SDK2: variants seen among roughly 807,000 people sequenced by gnomAD.
The protein encoded by SDK2 is protein sidekick-2.
Under a neutral mutation model 253.9 loss-of-function variants are expected in SDK2, and 105 were observed. The ratio of observed to expected loss-of-function variants is 0.41; its 90% confidence interval spans 0.35 to 0.49. The LOEUF is 0.49. Ranked by LOEUF, SDK2 falls within the 20% of genes least tolerant of loss-of-function variation. The probability of loss-of-function intolerance (pLI) is 0.06; values close to 1 mark genes in which losing one functional copy is unlikely to be tolerated. For synonymous variants in SDK2, 1,249 were observed against 1,234.9 expected (o/e 1.01, Z -0.24); for missense variants, 2,608 against 3,003.0 (o/e 0.87, Z 3.07).
At chr17:73,500,075 C>T (rs150678828) in intron 2 of SDK2, among the ~76,000 whole-genome samples, 52 of 150,282 alleles carry the variant, frequency 3.5e-4, no homozygotes, top group African/African-American at 1.3e-3. Flanking sequence ...CTTCATCCAT[C>T]CTCCCTCCAT....
At chr17:73,527,391 T>G (rs2064134350) in intron 1 of SDK2, among the ~76,000 whole-genome samples, 2 of 152,018 alleles carry the variant, frequency 1.3e-5, no homozygotes, top group African/African-American at 4.8e-5. Context: ...CTCAAAAAGG[T>G]CACCCTTATG....
At chr17:73,551,009 C>T (rs1239768649) in intron 1 of SDK2, among the ~76,000 whole-genome samples, 1 of 152,170 alleles carries the variant, frequency 6.6e-6, no homozygotes, top group Non-Finnish European at 1.5e-5. Context: ...CCAAGCCTAA[C>T]CTGAAGCCAG....
intron 1 of SDK2, among the ~76,000 whole-genome samples, chr17:73,606,317 C>T (rs902944690): frequency 6.6e-6 from 1 of 151,778 alleles, no homozygotes; most frequent in Non-Finnish European, 1.5e-5. Flanking sequence ...GGGGCAGGGC[C>T]CCCCTCCCGG....
chr17:73,443,352 A>G lies in SDK2; in HGVS notation c.614-2429T>C, dbSNP rs568969839. On this transcript the variant is annotated intron_variant, in intron 5 of 44. Coordinates refer to ENST00000392650, the MANE Select transcript of SDK2 (RefSeq NM_001144952.2). This position sits in a 1 kb window ranked among gnomAD's most constrained non-coding sequence, Gnocchi z 4.6. ...TATAAAAGCCTCATGTAGGTGCCAT[A>G]ACGAGCGATCGGATTGAAAGCTGCT... 3.3e-5 allele frequency among the ~76,000 whole-genome samples: 5 copies of G among 152,408 alleles called. No homozygotes were observed. In the South Asian group the frequency reaches 8.3e-4, roughly 25 times the overall value.
chr17:73,484,597 G>C (rs761327238), intron 2 of SDK2, among the ~76,000 whole-genome samples: 1 of 152,202 alleles, frequency 6.6e-6, no homozygotes, highest in Non-Finnish European at 1.5e-5. Flanking sequence ...CCATGGCCTG[G>C]GTGCCTTAAA....
intron 1 of SDK2, among the ~76,000 whole-genome samples, chr17:73,561,454 C>T (rs544108621): frequency 1.9e-4 from 29 of 152,340 alleles, no homozygotes; most frequent in African/African-American, 6.7e-4. Flanking sequence ...GGCCAAGAAG[C>T]CATGGTTCTC....
intron 31 of SDK2, 87 bp downstream of exon 31, chr17:73,386,358 G>C: frequency 1.0e-6 from 1 of 969,904 alleles, no homozygotes; most frequent in South Asian, 1.4e-5. Flanking sequence ...CTCATCTTTG[G>C]AGGCCCCTCC....
intron 28 of SDK2, 40 bp downstream of exon 28, chr17:73,391,400 T>G (rs1372949854): frequency 8.4e-7 from 1 of 1,196,768 alleles, no homozygotes; most frequent in East Asian, 3.0e-5. Flanking sequence ...TGCCTCTTCC[T>G]TCTTCCTGCA....
intron 34 of SDK2, 101 bp downstream of exon 34, chr17:73,380,793 C>A: frequency 9.5e-7 from 1 of 1,057,066 alleles, no homozygotes; most frequent in Admixed American, 2.0e-5. Context: ...CTGGGGTGGG[C>A]ACACCCCCTC....
intron 40 of SDK2, among the ~76,000 whole-genome samples, chr17:73,356,498 T>G (rs6501626): frequency 0.54 from 82,643 of 151,942 alleles, 22,641 homozygotes; most frequent in Non-Finnish European, 0.58. Context: ...GGGGGTGTAT[T>G]TAGTTTATCC....
intron 2 of SDK2, among the ~76,000 whole-genome samples, chr17:73,491,324 G>T (rs569252847): frequency 5.3e-5 from 8 of 151,770 alleles, no homozygotes; most frequent in African/African-American, 1.9e-4. Context: ...TGGCTGCTGG[G>T]AGCCTTACGC....
chr17:73,399,660 C>T (rs570047045), intron 21 of SDK2, among the ~76,000 whole-genome samples: 20 of 152,180 alleles, frequency 1.3e-4, no homozygotes, highest in East Asian at 7.7e-4. Flanking sequence ...AGAAACCAAA[C>T]GGGACCGATC....
rs760598025 is a variant in SDK2 at position 73,639,500 on chromosome 17, G to A, written c.64+4525C>T. ...TTTTCCTTTCCATTACAGGCAGTGG[G>A]CTGCAGCCGCCAGTTGCTGCTGGCC... On this transcript the variant is annotated intron_variant, in intron 1 of 44. Transcript: ENST00000392650. The surrounding 1 kb of genome is among the most constrained non-coding windows in gnomAD (Gnocchi z 4.3). Among the ~76,000 whole-genome samples the A allele has an allele frequency of 6.6e-6, 1 of 152,222 alleles. No homozygotes were observed. Among genetic ancestry groups the A allele is most frequent in the Non-Finnish European group, 1.5e-5 (1 of 68,044 alleles).
intron 1 of SDK2, among the ~76,000 whole-genome samples, chr17:73,555,820 C>T (rs886303951): frequency 5.9e-5 from 9 of 152,160 alleles, no homozygotes; most frequent in African/African-American, 1.7e-4. Context: ...AAAGCAAACA[C>T]GGGACTGAAA....
At chr17:73,401,499 G>A (rs937330558) in intron 20 of SDK2, among the ~76,000 whole-genome samples, 155 bp downstream of exon 20, 3 of 152,146 alleles carry the variant, frequency 2.0e-5, no homozygotes, top group Non-Finnish European at 2.9e-5. Context: ...GTTATGAAGT[G>A]GAGGTGCCAA....
At chr17:73,439,116 G>A (rs8064956) in intron 6 of SDK2, among the ~76,000 whole-genome samples, 43,935 of 151,858 alleles carry the variant, frequency 0.29, 7,201 homozygotes, top group East Asian at 0.44. Context: ...TTCATGTGAG[G>A]GCTGGTTGTT....
rs2063260614 is a variant in SDK2, at chr17:73,424,210, C to T, written c.1584-118G>A. ...AAGCTGGGCAGAGGACAACTGCAGGCAACAGCCAGGCAGGACACTGGGATC... is the reference window on the plus strand; with the variant it reads ...AAGCTGGGCAGAGGACAACTGCAGGTAACAGCCAGGCAGGACACTGGGATC... On this transcript the variant is annotated intron_variant, in intron 12 of 44. Coordinates refer to ENST00000392650, the MANE Select transcript of SDK2 (RefSeq NM_001144952.2). The T allele has an allele frequency of 5.6e-5, 45 of 799,142 alleles. 2 individuals are homozygous for T. The South Asian group carries it at 7.6e-4, about 14-fold the overall frequency. 49.5% of individuals were successfully genotyped at this position (799,142 alleles called of 1,614,324 possible). A position where few individuals can be genotyped will look rare whatever the true frequency, so the allele number is the denominator to read the frequency against.
chr17:73,359,701 A>G (rs1262729726), intron 39 of SDK2, among the ~76,000 whole-genome samples: 1 of 152,162 alleles, frequency 6.6e-6, no homozygotes, highest in East Asian at 1.9e-4. Context: ...GCGGGAGTGC[A>G]GGGGCACGAT....
At chr17:73,457,799 A>AC (rs1470743422) in intron 3 of SDK2, among the ~76,000 whole-genome samples, 1 of 152,042 alleles carries the variant, frequency 6.6e-6, no homozygotes, top group African/African-American at 2.4e-5. Flanking sequence ...ATCCTAAGCT[A>AC]CCGGGTCCCC....
Sources: allele counts gnomAD v4.1 joint callset (sites outside exome capture counted in the v4.1 genomes callset), GRCh38; gene constraint gnomAD v4.1.1; non-coding constraint Gnocchi (gnomAD v3.1); transcripts MANE v1.5; gene names NCBI Gene and HGNC (gene_info 2026-07-23, HGNC 2026-07-21).